The following PDE4D variants were observed in gnomAD, a reference collection of about 807,000 sequenced individuals.
PDE4D encodes 3',5'-cyclic-AMP phosphodiesterase 4D.
Under a neutral mutation model 87.4 loss-of-function variants are expected in PDE4D, and 24 were observed. The ratio of observed to expected loss-of-function variants is 0.27; its 90% CI spans 0.20 to 0.39. The LOEUF (loss-of-function observed/expected upper bound fraction) is 0.39. Among genes scored for constraint, PDE4D ranks in the 10% least tolerant of loss-of-function variants. PDE4D has a pLI of 1.00. For missense variants in PDE4D, 714 were observed against 1,041.0 expected (o/e 0.69, Z 4.32); for synonymous variants, 384 against 383.2 (o/e 1.00, Z -0.02).
chr5:60,447,525 A>G (rs1259168517), intron 1 of PDE4D, among the ~76,000 whole-genome samples: 4 of 152,164 alleles, frequency 2.6e-5, no homozygotes, highest in African/African-American at 9.6e-5. Flanking sequence ...TATAAAGTAG[A>G]AAAGAAGGAA....
chr5:60,397,184 A>G (rs1013072562), intron 1 of PDE4D, among the ~76,000 whole-genome samples: 1 of 152,240 alleles, frequency 6.6e-6, no homozygotes, highest in Non-Finnish European at 1.5e-5. Flanking sequence ...ACATCTGCAC[A>G]CTGTTCATGG....
intron 1 of PDE4D, among the ~76,000 whole-genome samples, chr5:59,812,139 C>T (rs1192889197): frequency 1.3e-5 from 2 of 152,190 alleles, no homozygotes; most frequent in Non-Finnish European, 2.9e-5. Flanking sequence ...CCTTTCCTCC[C>T]TCTGCATGTC....
At chr5:60,043,965 A>G (rs539379708) in intron 2 of PDE4D, among the ~76,000 whole-genome samples, 151 of 152,284 alleles carry the variant, frequency 9.9e-4, no homozygotes, top group African/African-American at 3.4e-3. Context: ...ATGGTTGCCA[A>G]TGAGATTTCT....
At chr5:59,938,503 T>C (rs140228015) in intron 3 of PDE4D, among the ~76,000 whole-genome samples, 115 of 152,338 alleles carry the variant, frequency 7.5e-4, no homozygotes, top group Middle Eastern at 3.4e-3. Flanking sequence ...TAAAACCATA[T>C]GCTGAACTGC....
At chr5:59,945,938 C>A (rs1217697288) in intron 3 of PDE4D, among the ~76,000 whole-genome samples, 2 of 152,124 alleles carry the variant, frequency 1.3e-5, no homozygotes, top group African/African-American at 4.8e-5. Flanking sequence ...CTCTAACAGC[C>A]CCTGAGCAGT....
intron 2 of PDE4D, among the ~76,000 whole-genome samples, chr5:60,131,507 T>C (rs1779579959): frequency 6.6e-6 from 1 of 152,242 alleles, no homozygotes; most frequent in African/African-American, 2.4e-5. Flanking sequence ...ACCTAGACTT[T>C]AAGAGATCTT....
At chr5:59,534,863 T>C (rs564031986) in intron 1 of PDE4D, among the ~76,000 whole-genome samples, 1 of 152,142 alleles carries the variant, frequency 6.6e-6, no homozygotes, top group Non-Finnish European at 1.5e-5. Context: ...GCCAAAGCAG[T>C]AGTGGTGGTG....
intron 2 of PDE4D, among the ~76,000 whole-genome samples, chr5:60,107,632 C>T (rs1427688022): frequency 6.6e-6 from 1 of 152,114 alleles, no homozygotes; most frequent in Non-Finnish European, 1.5e-5. Context: ...AAACTGAATC[C>T]AGCAGCACAT....
intron 1 of PDE4D, among the ~76,000 whole-genome samples, chr5:60,484,973 A>G (rs567105192): frequency 6.6e-6 from 1 of 152,328 alleles, no homozygotes; most frequent in African/African-American, 2.4e-5. Flanking sequence ...AGGCTTAGAA[A>G]ACGTTTCATG....
At chr5:60,349,776 C>T (rs774436740) in intron 1 of PDE4D, among the ~76,000 whole-genome samples, 57 of 152,012 alleles carry the variant, frequency 3.7e-4, no homozygotes, top group Non-Finnish European at 7.1e-4. Context: ...TTGAGGTTTT[C>T]GTGTCTCTTT....
In PDE4D at chr5:58,974,839, C is replaced by T; in HGVS notation, c.2255G>A (p.Ser752Asn). The T allele has an allele frequency of 6.2e-7, 1 of 1,613,348 alleles. No individual in the cohort carries two copies. ...EDGESDTEKDSGSQVEEDTSC... is the reference protein window; with the variant it reads ...EDGESDTEKDNGSQVEEDTSC... ...AGTGTCTTCTTCCACTTGACTGCCA[C>T]TGTCCTTTTCCGTGTCTGACTCACC... The change falls in exon 15 of 15, where the codon AGT (serine) becomes AAT (asparagine). Residue 752 changes from serine (S) to asparagine (N), a missense_variant. Around this residue, in one of 7 missense-constraint regions of PDE4D, gnomAD observed 90 missense variants for 95.3 expected, o/e 0.94. Coordinates refer to ENST00000340635, the MANE Select transcript of PDE4D (RefSeq NM_001104631.2).
intron 1 of PDE4D, among the ~76,000 whole-genome samples, chr5:59,453,541 C>T (rs1431888532): frequency 1.3e-5 from 2 of 152,204 alleles, no homozygotes; most frequent in Non-Finnish European, 2.9e-5. Context: ...ATTGAAACAG[C>T]CTTGTTGCTG....
chr5:59,800,101 G>A lies in PDE4D; in HGVS notation c.455+93067C>T, dbSNP rs574303671. ...AAAGGTCTGTGTTGAATGAAGGGAG[G>A]TCTAGTCATTAAAAAAGAAAAAGAA... is the stretch of plus-strand genomic sequence containing the variant. On this transcript the variant is annotated intron_variant, in intron 1 of 14. Transcript: ENST00000340635. Among the ~76,000 whole-genome samples, 11 of 152,176 alleles carry A rather than the reference G, an allele frequency of 7.2e-5. No homozygotes were observed. In the South Asian group the frequency reaches 2.3e-3, roughly 32 times the overall value.
intron 11 of PDE4D, among the ~76,000 whole-genome samples, chr5:58,982,288 T>C (rs1409733313): frequency 6.6e-6 from 1 of 152,200 alleles, no homozygotes; most frequent in South Asian, 2.1e-4. Context: ...CTGGAGAACC[T>C]TGCCCCAGCC....
At chr5:59,328,321 G>C (rs1249173551) in intron 1 of PDE4D, among the ~76,000 whole-genome samples, 1 of 152,124 alleles carries the variant, frequency 6.6e-6, no homozygotes, top group Non-Finnish European at 1.5e-5. Flanking sequence ...TATGTTTGTT[G>C]TGAGGATTAA....
chr5:59,846,651 T>C (rs200849712), intron 1 of PDE4D, among the ~76,000 whole-genome samples: 2 of 152,000 alleles, frequency 1.3e-5, no homozygotes, highest in Non-Finnish European at 2.9e-5. Flanking sequence ...CTGCTCTGCC[T>C]GAGAAAACAT....
chr5:60,080,855 C>A lies in PDE4D; in HGVS notation c.43-92138G>T, dbSNP rs879012920. On this transcript the variant is annotated intron_variant, in intron 2 of 16. Coordinates refer to the PDE4D transcript ENST00000502484. ...CTGAAGTTTTCCTTTTTTGTTGTGT[C>A]TCTTACCAGTTTTGGTATCAGGATG... Among the ~76,000 whole-genome samples the A allele has an allele frequency of 3.9e-5, 6 of 152,120 alleles. No homozygotes were observed. The South Asian group carries it at 1.2e-3, about 31-fold the overall frequency.
At chr5:59,958,957 A>G (rs1759162529) in intron 3 of PDE4D, among the ~76,000 whole-genome samples, 1 of 152,196 alleles carries the variant, frequency 6.6e-6, no homozygotes, top group Non-Finnish European at 1.5e-5. Context: ...TGTCTCCACC[A>G]AAAGGCTCCT....
intron 1 of PDE4D, among the ~76,000 whole-genome samples, chr5:60,325,364 A>G (rs1017184541): frequency 4.6e-5 from 7 of 152,192 alleles, no homozygotes; most frequent in African/African-American, 1.2e-4. Context: ...GCCTGATTGT[A>G]TATATCCCTA....
Sources: allele counts gnomAD v4.1 joint callset (sites outside exome capture counted in the v4.1 genomes callset), GRCh38; gene constraint gnomAD v4.1.1; regional missense constraint gnomAD v4.1.1; transcripts MANE v1.5; gene names NCBI Gene and HGNC (gene_info 2026-07-23, HGNC 2026-07-21).